AUTS2: variants seen among roughly 807,000 people sequenced by gnomAD.
AUTS2 encodes activator of transcription and developmental regulator AUTS2.
In AUTS2, 17 loss-of-function variants were observed where a neutral mutation model predicts 112.4. The ratio of observed to expected loss-of-function variants is 0.15; its 90% CI spans 0.10 to 0.23. The LOEUF is 0.23. Ranked by LOEUF, AUTS2 falls within the 10% of genes least tolerant of loss-of-function variation. The pLI is 1.00. For missense variants in AUTS2, 1,510 were observed against 1,701.6 expected (o/e 0.89, Z 1.98); for synonymous variants, 751 against 702.7 (o/e 1.07, Z -1.09).
chr7:69,609,268 A>G (rs1217274661), intron 1 of AUTS2, among the ~76,000 whole-genome samples: 1 of 152,234 alleles, frequency 6.6e-6, no homozygotes, highest in Non-Finnish European at 1.5e-5. Flanking sequence ...GTCTTACTAC[A>G]AATGTGGATG....
At chr7:70,643,745 A>G (rs1805988141) in intron 5 of AUTS2, among the ~76,000 whole-genome samples, 1 of 152,180 alleles carries the variant, frequency 6.6e-6, no homozygotes, top group African/African-American at 2.4e-5. Flanking sequence ...AATTGAATGT[A>G]TCATCTCTGA....
At chr7:69,902,621 G>A (rs1308923027) in intron 2 of AUTS2, among the ~76,000 whole-genome samples, 2 of 152,200 alleles carry the variant, frequency 1.3e-5, no homozygotes, top group African/African-American at 4.8e-5. Flanking sequence ...TTACTCCTTA[G>A]TAGAGAGGAA....
intron 1 of AUTS2, among the ~76,000 whole-genome samples, chr7:69,713,375 G>A (rs1418010432): frequency 6.6e-6 from 1 of 151,644 alleles, no homozygotes; most frequent in Admixed American, 6.6e-5. Flanking sequence ...CCTCCTATCT[G>A]TAATCTTGTA....
chr7:70,615,964 C>T (rs1025156853), intron 5 of AUTS2, among the ~76,000 whole-genome samples: 11 of 152,012 alleles, frequency 7.2e-5, no homozygotes, highest in Admixed American at 3.9e-4. Flanking sequence ...AGGCTGGTCT[C>T]GAACTCCAGA....
At chr7:69,617,586 A>G (rs1326837376) in intron 1 of AUTS2, among the ~76,000 whole-genome samples, 1 of 152,168 alleles carries the variant, frequency 6.6e-6, no homozygotes, top group Non-Finnish European at 1.5e-5. Flanking sequence ...TGACGCCAGA[A>G]GCTTAGAAAC....
At chr7:70,045,686 G>C (rs1191384476) in intron 2 of AUTS2, among the ~76,000 whole-genome samples, 1 of 151,424 alleles carries the variant, frequency 6.6e-6, no homozygotes, top group Non-Finnish European at 1.5e-5. Context: ...TCGGCTCACT[G>C]CAACCTCTGC....
Position 70,101,818 on chromosome 7 carries a change from C to T in AUTS2, c.523-16314C>T, listed in dbSNP as rs2129569593. Reference sequence around the variant, plus strand: ...AAAATCATTCCACTAAAAATATGTCCTCTGTCTCCCAACTAGAATTTCTTC... The same window carrying T: ...AAAATCATTCCACTAAAAATATGTCTTCTGTCTCCCAACTAGAATTTCTTC... On this transcript the variant is annotated intron_variant, in intron 2 of 18. Transcript: ENST00000342771. 1.3e-5 allele frequency among the ~76,000 whole-genome samples: 2 copies of T among 152,184 alleles called. 1 individual carries two copies. Among genetic ancestry groups the T allele is most frequent in the East Asian group, 3.9e-4 (2 of 5,188 alleles).
intron 5 of AUTS2, among the ~76,000 whole-genome samples, chr7:70,473,488 C>A (rs1010870297): frequency 1.3e-5 from 2 of 152,092 alleles, no homozygotes; most frequent in Non-Finnish European, 2.9e-5. Flanking sequence ...AGCACAAAAC[C>A]AAGGGCATCA....
intron 1 of AUTS2, among the ~76,000 whole-genome samples, chr7:69,760,992 T>C (rs747753269): frequency 2.6e-5 from 4 of 152,186 alleles, no homozygotes; most frequent in African/African-American, 4.8e-5. Context: ...GCAAACAGAT[T>C]TGATGACAGG....
At chr7:70,245,722 G>A (rs1812889683) in intron 4 of AUTS2, among the ~76,000 whole-genome samples, 1 of 151,852 alleles carries the variant, frequency 6.6e-6, no homozygotes, top group South Asian at 2.1e-4. Context: ...TCTTTTATGT[G>A]TCTCCTGGCA....
intron 2 of AUTS2, among the ~76,000 whole-genome samples, chr7:69,917,264 C>G (rs1316273393): frequency 2.6e-5 from 4 of 151,072 alleles, no homozygotes; most frequent in Admixed American, 1.3e-4. Flanking sequence ...ATTTTAATGC[C>G]TTTCAGAGCA....
chr7:70,011,216 T>C (rs1369342675), intron 2 of AUTS2, among the ~76,000 whole-genome samples: 1 of 151,928 alleles, frequency 6.6e-6, no homozygotes, highest in Non-Finnish European at 1.5e-5. Context: ...AAAAATCGAG[T>C]TGTCTAGCTC....
chr7:70,435,430 G>A lies in AUTS2; in HGVS notation c.661-322G>A, dbSNP rs1390317929. On this transcript the variant is annotated intron_variant, in intron 4 of 18. Transcript: ENST00000342771. ...TGTGGCTGACTCCTAGAGGGGCATC[G>A]CCTCTACCCTGCCATGGTGGGAGGG... is the stretch of plus-strand genomic sequence containing the variant. Among the ~76,000 whole-genome samples the A allele has an allele frequency of 8.5e-5, 13 of 152,276 alleles. No homozygotes were observed. The South Asian group carries it at 1.2e-3, about 15-fold the overall frequency.
At chr7:69,796,533 A>T (rs1022096330) in intron 1 of AUTS2, among the ~76,000 whole-genome samples, 1 of 151,986 alleles carries the variant, frequency 6.6e-6, no homozygotes, top group South Asian at 2.1e-4. Flanking sequence ...CAAAAAAAAA[A>T]AAAAAGAAAA....
chr7:69,941,308 G>C (rs924559274), intron 2 of AUTS2, among the ~76,000 whole-genome samples: 1 of 152,190 alleles, frequency 6.6e-6, no homozygotes, highest in Admixed American at 6.5e-5. Flanking sequence ...ATAAGGAATT[G>C]CCACTTGGAT....
chr7:70,717,187 A>AT (rs1810427544), intron 6 of AUTS2, among the ~76,000 whole-genome samples: 1 of 151,882 alleles, frequency 6.6e-6, no homozygotes, highest in African/African-American at 2.4e-5. Context: ...GTGCATATAT[A>AT]CGTGCGTGCC....
chr7:70,731,127 T>C (rs527811888), intron 6 of AUTS2, among the ~76,000 whole-genome samples: 1 of 152,314 alleles, frequency 6.6e-6, no homozygotes, highest in Admixed American at 6.5e-5. Flanking sequence ...TAGTTCTTTA[T>C]ACATTCTGGA....
intron 5 of AUTS2, among the ~76,000 whole-genome samples, chr7:70,534,792 A>C (rs2129500530): frequency 6.6e-6 from 1 of 152,254 alleles, no homozygotes; most frequent in East Asian, 1.9e-4. Flanking sequence ...GTGAACACTC[A>C]GCACAGGACC....
Position 70,787,201 on chromosome 7 carries a change from CA to C in AUTS2, c.2309-7del. On this transcript the variant is annotated splice_polypyrimidine_tract_variant and splice_region_variant and intron_variant, in intron 17 of 18. Coordinates refer to ENST00000342771, the MANE Select transcript of AUTS2 (RefSeq NM_015570.4). ...TAAACCTTTTTGTTCTCCACTTCACCATTTCAGCACCCAACTCAATGTTCGG... is the reference window on the plus strand; with the variant it reads ...TAAACCTTTTTGTTCTCCACTTCACCTTTCAGCACCCAACTCAATGTTCGG... The C allele has an allele frequency of 2.5e-6, 4 of 1,613,974 alleles. No homozygotes were observed. Among genetic ancestry groups the C allele is most frequent in the Non-Finnish European group, 3.4e-6 (4 of 1,179,888 alleles).
Sources: gnomAD v4.1 joint callset for allele counts (sites outside exome capture counted in the v4.1 genomes callset) on GRCh38, gnomAD v4.1.1 for gene constraint, MANE v1.5 for transcripts, NCBI Gene and HGNC (gene_info 2026-07-23, HGNC 2026-07-21) for gene names.